Variants in SLC16A8 observed in about 807,000 individuals in gnomAD.
SLC16A8 encodes the protein solute carrier family 16 member 8.
In SLC16A8, 20 loss-of-function variants were observed where a neutral mutation model predicts 22.4. The observed-to-expected ratio is 0.89, with a 90% CI of 0.63 to 1.30. SLC16A8 has a LOEUF of 1.30. Ranked by LOEUF, SLC16A8 falls within the 50% of genes most tolerant of loss-of-function variation. The probability of loss-of-function intolerance (pLI) is 0.00; values close to 1 mark genes in which losing one functional copy is unlikely to be tolerated. For synonymous variants in SLC16A8, 393 were observed against 358.8 expected (o/e 1.10, Z -1.08); for missense variants, 817 against 740.3 (o/e 1.10, Z -1.20).
At position 38,081,598 on chromosome 22, in the gene SLC16A8, C is replaced by G. The variant is rs543643447; in HGVS notation, c.440G>C (p.Gly147Ala). 189 of 1,518,026 alleles carry G rather than the reference C, an allele frequency of 1.2e-4. No individual in the cohort carries two copies. Among genetic ancestry groups the G allele is most frequent in the African/African-American group, 1.2e-3 (85 of 70,274 alleles). The allele number at this position is 1,518,026 out of a possible 1,614,324, so 94.0% of individuals were successfully genotyped here. A position where few individuals can be genotyped will look rare whatever the true frequency, so the allele number is the denominator to read the frequency against. ...CACGGGGCTGCCCGCCGCCGCCAGCCCGTTGGCCAGAGGCCGCCGCCGCTC... is the reference window on the plus strand; with the variant it reads ...CACGGGGCTGCCCGCCGCCGCCAGCGCGTTGGCCAGAGGCCGCCGCCGCTC... Reference protein sequence around the residue: ...YFERRRPLANGLAAAGSPVFL... With the variant: ...YFERRRPLANALAAAGSPVFL... Residue 147 changes from glycine (G) to alanine (A), a missense_variant, in exon 5 of 6, where the codon GGG becomes GCG. By Grantham distance (60) the Gly-to-Ala change is moderately conservative. Transcript: ENST00000681075.
chr22:38,078,401 G>A lies in SLC16A8; in HGVS notation c.1502C>T (p.Ala501Val). The A allele has an allele frequency of 6.2e-7, 1 of 1,600,306 alleles. No individual in the cohort carries two copies. The highest frequency in any genetic ancestry group is 8.5e-7 in the Non-Finnish European group (1 of 1,176,850). Residue 501 changes from alanine (A) to valine (V), a missense_variant, in exon 6 of 6, where the codon GCC becomes GTC. Ala to Val is a moderately conservative substitution (Grantham distance 64). Transcript: ENST00000681075. ...GAGCACCCTGAGTTATACAGACTCG[G>A]CAGCCAGCCTCGGCCTCGCCTCTAT... ...PEIEARPRLA[A>V]ESV is the part of the protein sequence containing the mutation.
chr22:38,080,975 G>C lies in SLC16A8; in HGVS notation c.1063C>G (p.Leu355Val). The change falls in exon 5 of 6, where the codon CTC becomes GTC. Residue 355 changes from leucine (L) to valine (V), a missense_variant. Coordinates refer to ENST00000681075, the MANE Select transcript of SLC16A8 (RefSeq NM_013356.3). ...AGCGCGCCCACCATGCCGTAGGAGA[G>C]GCCGAAGGCGACGCAGAAGGCGACG... ...ALVAFCVAFG[L>V]SYGMVGALQF... is the part of the protein sequence containing the mutation. 6.3e-7 allele frequency: 1 copy of C among 1,597,554 alleles called. No homozygotes were observed.
chr22:38,078,498 C>T lies in SLC16A8; in HGVS notation c.1405G>A (p.Val469Ile). 6.2e-7 allele frequency: 1 copy of T among 1,614,180 alleles called. No individual in the cohort carries two copies. Among genetic ancestry groups the T allele is most frequent in the Middle Eastern group, 1.7e-4 (1 of 6,058 alleles). Residue 469 changes from valine (V) to isoleucine (I), a missense_variant, in exon 6 of 6, where the codon GTT becomes ATT. Physicochemically the swap from Val to Ile is conservative, Grantham distance 29. Transcript: ENST00000681075. ...AEGDSEPLPVVAEEPGNLEAL... is the reference protein window; with the variant it reads ...AEGDSEPLPVIAEEPGNLEAL... ...TCCAGGTTGCCGGGTTCCTCTGCAA[C>T]AACAGGCAGGGGCTCAGAGTCCCCT...
Position 38,081,275 on chromosome 22 carries a change from C to T in SLC16A8, c.763G>A (p.Val255Met), listed in dbSNP as rs1601970357. Residue 255 changes from valine (V) to methionine (M), a missense_variant, in exon 5 of 6, where the codon GTG (valine) becomes ATG (methionine). Physicochemically the swap from Val to Met is conservative, Grantham distance 21. Transcript: ENST00000681075. ...ATCAGGAACTTGGTGACGGCGTACA[C>T]GGCGAAGGCGCGGTCGGTGCACACT... The part of the protein sequence containing the change: ...LAVCTDRAFA[V>M]YAVTKFLMAL... 1 of 1,578,968 alleles carries T rather than the reference C, an allele frequency of 6.3e-7. No homozygotes were observed. Among genetic ancestry groups the T allele is most frequent in the South Asian group, 1.2e-5 (1 of 86,718 alleles).
In SLC16A8 at chr22:38,081,127, G is replaced by T. The variant is rs2085910224; in HGVS notation, c.911C>A (p.Pro304Gln). ...IVGFVDIVAR[P>Q]ACGALAGLAR... ...CAGGCCCGCCAGGGCGCCGCACGCCGGGCGCGCCACGATGTCCACGAAGCC... is the reference window on the plus strand; with the variant it reads ...CAGGCCCGCCAGGGCGCCGCACGCCTGGCGCGCCACGATGTCCACGAAGCC... Residue 304 changes from proline (P) to glutamine (Q), a missense_variant, in exon 5 of 6, where the codon CCG becomes CAG. By Grantham distance (76) the Pro-to-Gln change is moderately conservative (BLOSUM62 -1). Transcript: ENST00000681075. 1.3e-6 allele frequency: 2 copies of T among 1,543,554 alleles called. No individual in the cohort carries two copies. The highest frequency in any genetic ancestry group is 1.4e-5 in the African/African-American group (1 of 73,066).
In SLC16A8 at chr22:38,079,588, A is replaced by ATTTTG. The variant is rs552251781; in HGVS notation, c.1199-889_1199-885dup. ...AGGTGCACGCCACCACACCTAGCTA[A>ATTTTG]TTTTGTTTTGTTTTGTTTTGGTAGA... On this transcript the variant is annotated intron_variant, in intron 5 of 5. Transcript: ENST00000681075. Among the ~76,000 whole-genome samples, 876 of 151,874 alleles carry ATTTTG rather than the reference A, an allele frequency of 5.8e-3. 5 individuals carry two copies. The highest frequency in any genetic ancestry group is 0.02 in the African/African-American group (832 of 41,358).
Position 38,078,413 on chromosome 22 carries a change from G to C in SLC16A8, c.1490C>G (p.Pro497Arg), listed in dbSNP as rs371969955. 6.2e-7 allele frequency: 1 copy of C among 1,604,282 alleles called. No individual in the cohort carries two copies. Among genetic ancestry groups the C allele is most frequent in the African/African-American group, 1.3e-5 (1 of 74,882 alleles). The change falls in exon 6 of 6, where the codon CCG becomes CGG. Residue 497 changes from proline (P) to arginine (R), a missense_variant. By Grantham distance (103) the Pro-to-Arg change is moderately radical. Transcript: ENST00000681075. ...EPTEPEIEAR[P>R]RLAAESV ...TTATACAGACTCGGCAGCCAGCCTCGGCCTCGCCTCTATTTCTGGTTCTGT... is the reference window on the plus strand; with the variant it reads ...TTATACAGACTCGGCAGCCAGCCTCCGCCTCGCCTCTATTTCTGGTTCTGT...
intron 3 of SLC16A8, 107 bp from the exon 4 acceptor site, chr22:38,082,139 C>A: frequency 7.8e-7 from 1 of 1,288,242 alleles, no homozygotes; most frequent in Non-Finnish European, 1.1e-6. Context: ...AGTGTCTGGC[C>A]AAGGTCACAC....
chr22:38,080,350 T>G (rs542564411), intron 5 of SLC16A8, among the ~76,000 whole-genome samples: 5 of 152,172 alleles, frequency 3.3e-5, no homozygotes, highest in Non-Finnish European at 1.5e-5. Flanking sequence ...CACCAGTGCT[T>G]CTCCCCATCT....
At chr22:38,080,730 C>G (rs2085901696) in intron 5 of SLC16A8, 110 bp downstream of exon 5, 1 of 1,384,956 alleles carries the variant, frequency 7.2e-7, no homozygotes, top group Non-Finnish European at 9.4e-7. Flanking sequence ...TCCACCCACC[C>G]GACTGCCCCT....
chr22:38,081,289 T>C lies in SLC16A8; in HGVS notation c.749A>G (p.Asp250Gly). Reference sequence around the variant, plus strand: ...GACGGCGTACACGGCGAAGGCGCGGTCGGTGCACACTGCCAAGTCCAGCAG... The same window carrying C: ...GACGGCGTACACGGCGAAGGCGCGGCCGGTGCACACTGCCAAGTCCAGCAG... ...RRLLDLAVCT[D>G]RAFAVYAVTK... Residue 250 changes from aspartate to glycine, a missense_variant, in exon 5 of 6, where the codon GAC (aspartate) becomes GGC (glycine). Physicochemically the swap from Asp to Gly is moderately conservative, Grantham distance 94 (BLOSUM62 -1). Coordinates refer to ENST00000681075, the MANE Select transcript of SLC16A8 (RefSeq NM_013356.3). 6.4e-7 allele frequency: 1 copy of C among 1,571,320 alleles called. No individual in the cohort carries two copies. Among genetic ancestry groups the C allele is most frequent in the Non-Finnish European group, 8.6e-7 (1 of 1,158,254 alleles).
At chr22:38,080,777 G>C (rs917047891) in intron 5 of SLC16A8, 63 bp downstream of exon 5, 2 of 1,430,962 alleles carry the variant, frequency 1.4e-6, no homozygotes, top group Admixed American at 2.9e-5. Context: ...GAGACAGGGG[G>C]ATGGAGCTTC....
chr22:38,081,851 C>T (rs1237733543), intron 4 of SLC16A8, 38 bp downstream of exon 4: 1 of 1,570,182 alleles, frequency 6.4e-7, no homozygotes, highest in Non-Finnish European at 8.6e-7. Context: ...GAACCCCCGA[C>T]CCCCAACCCA....
At chr22:38,080,193 G>A (rs568473038) in intron 5 of SLC16A8, among the ~76,000 whole-genome samples, 2 of 150,370 alleles carry the variant, frequency 1.3e-5, no homozygotes, top group South Asian at 4.2e-4. Flanking sequence ...GCATAAGGAC[G>A]CTGTTCCCCC....
Position 38,081,518 on chromosome 22 carries a change from G to C in SLC16A8, c.520C>G (p.Arg174Gly), listed in dbSNP as rs2085917557. The C allele has an allele frequency of 7.0e-7, 1 of 1,424,156 alleles. No homozygotes were observed. The highest frequency in any genetic ancestry group is 1.5e-5 in the African/African-American group (1 of 66,228). The allele number at this position is 1,424,156 out of a possible 1,614,324, so 88.2% of individuals were successfully genotyped here. Residue 174 changes from arginine (R) to glycine (G), a missense_variant, in exon 5 of 6, where the codon CGC becomes GGC. By Grantham distance (125) the Arg-to-Gly change is moderately radical (BLOSUM62 -2). Transcript: ENST00000681075. The stretch of plus-strand genomic sequence containing the variant: ...CCGCCGAGCAGCAGGAAGCCGCCGC[G>C]CCAGCCGAAGCGCTCCAGCAGCTGC... ...GQQLLERFGW[R>G]GGFLLLGGLL... is the part of the protein sequence containing the mutation.
intron 5 of SLC16A8, among the ~76,000 whole-genome samples, chr22:38,079,344 T>C (rs2085887006): frequency 6.6e-6 from 1 of 152,224 alleles, no homozygotes. Context: ...CCTGAACTCC[T>C]GAGCTCAAGG....
rs1429790758 is a variant in SLC16A8, at chr22:38,081,483, C to T, written c.555G>A (p.Leu185=). ...GGFLLLGGLL[L]HCCACGAVMR... ...TGACAGCCCCGCAGGCGCAGCAGTG[C>T]AGCAGGAGCCCGCCGAGCAGCAGGA... is the stretch of plus-strand genomic sequence containing the variant. The change falls in exon 5 of 6, where the codon CTG becomes CTA. Residue 185 remains leucine (L), a synonymous_variant. Transcript: ENST00000681075. 1.4e-6 allele frequency: 2 copies of T among 1,394,476 alleles called. No individual in the cohort carries two copies. Among genetic ancestry groups the T allele is most frequent in the Admixed American group, 7.3e-5 (2 of 27,376 alleles). 86.4% of individuals were successfully genotyped at this position (1,394,476 alleles called of 1,614,324 possible). A position where few individuals can be genotyped will look rare whatever the true frequency, so the allele number is the denominator to read the frequency against.
rs1299462676 is a variant in SLC16A8 at position 38,078,707 on chromosome 22, G to A, written c.1199-3C>T. ...CTTCAACACATCCACCAGGCGGCCT[G>A]GGGAGGAGGAGGAAGAGGAGGGAGA... On this transcript the variant is annotated splice_polypyrimidine_tract_variant and splice_region_variant and intron_variant, in intron 5 of 5. Coordinates refer to ENST00000681075, the MANE Select transcript of SLC16A8 (RefSeq NM_013356.3). 1.9e-6 allele frequency: 3 copies of A among 1,601,336 alleles called. No homozygotes were observed. Among genetic ancestry groups the A allele is most frequent in the Non-Finnish European group, 8.5e-7 (1 of 1,169,632 alleles).
In SLC16A8 at chr22:38,083,236, G is replaced by T. The variant is rs571969854; in HGVS notation, c.-203C>A. On this transcript the variant is annotated 5_prime_UTR_variant, in exon 2 of 6. Transcript: ENST00000681075. ...CCAGCACCAAAGTCGCCCCGTACGC[G>T]TGAGGGTCTCGGGACAACAGAACAA... 4 of 289,172 alleles carry T rather than the reference G, an allele frequency of 1.4e-5. No homozygotes were observed. The highest frequency in any genetic ancestry group is 2.6e-5 in the Non-Finnish European group (4 of 153,648). 17.9% of individuals were successfully genotyped at this position (289,172 alleles called of 1,614,324 possible). A position where few individuals can be genotyped will look rare whatever the true frequency, so the allele number is the denominator to read the frequency against.
Sources: allele counts gnomAD v4.1 joint callset (sites outside exome capture counted in the v4.1 genomes callset), GRCh38; gene constraint gnomAD v4.1.1; transcripts MANE v1.5; gene names NCBI Gene and HGNC (gene_info 2026-07-23, HGNC 2026-07-21).